Variants in RADIL observed in about 807,000 individuals in gnomAD.
RADIL encodes the protein Rap associating with DIL domain.
Under a neutral mutation model 97.6 loss-of-function variants are expected in RADIL, and 99 were observed. The ratio of observed to expected loss-of-function variants is 1.01; its 90% CI spans 0.86 to 1.20. RADIL has a LOEUF of 1.20. RADIL is among the 50% of genes most tolerant of loss of function. The pLI is 0.00. For missense variants in RADIL, 1,765 were observed against 1,498.9 expected (o/e 1.18, Z -2.93); for synonymous variants, 803 against 691.8 (o/e 1.16, Z -2.52).
At chr7:4,859,404 T>C (rs948696835) in intron 2 of RADIL, 5 of 156,036 alleles carry the variant, frequency 3.2e-5, no homozygotes, top group African/African-American at 1.2e-4. Flanking sequence ...CAAACATAGC[T>C]GAAAGGTTTT....
Position 4,798,900 on chromosome 7 carries a change from G to GGGAGGGGCTGTT in RADIL, c.*466_*477dup, listed in dbSNP as rs2115146758. The GGGAGGGGCTGTT allele has an allele frequency of 5.9e-6, 1 of 169,624 alleles. No individual in the cohort carries two copies. The highest frequency in any genetic ancestry group is 1.7e-4 in the East Asian group (1 of 5,898). The allele number at this position is 169,624 out of a possible 1,614,324, so 10.5% of individuals were successfully genotyped here. On this transcript the variant is annotated 3_prime_UTR_variant, in exon 15 of 15. Coordinates refer to ENST00000399583, the MANE Select transcript of RADIL (RefSeq NM_018059.5). Reference sequence around the variant, plus strand: ...TGCCAGGTCTGGCCCTGCTTCAGCTGGGAGGGGCTGTTGGAGCTGCTTCCT... The same window carrying GGGAGGGGCTGTT: ...TGCCAGGTCTGGCCCTGCTTCAGCTGGGAGGGGCTGTTGGAGGGGCTGTTGGAGCTGCTTCCT...
intron 2 of RADIL, among the ~76,000 whole-genome samples, chr7:4,870,917 G>T (rs931459161): frequency 6.6e-6 from 1 of 152,178 alleles, no homozygotes; most frequent in East Asian, 1.9e-4. Context: ...GGACAACAGG[G>T]CTGTCAACGG....
chr7:4,854,011 T>C lies in RADIL; in HGVS notation c.536-17406A>G, dbSNP rs1783770271. ...GTGAAAGATGAGGGGATGCCGCTGT[T>C]GGGACTTCTCCGAAAGCTCCATAGG... On this transcript the variant is annotated intron_variant, in intron 2 of 14. Transcript: ENST00000399583. This position sits in a 1 kb window ranked among gnomAD's most constrained non-coding sequence, Gnocchi z 5.1. Among the ~76,000 whole-genome samples, 2 of 152,198 alleles carry C rather than the reference T, an allele frequency of 1.3e-5. 1 individual carries two copies. Among genetic ancestry groups the C allele is most frequent in the South Asian group, 4.1e-4 (2 of 4,832 alleles).
intron 2 of RADIL, among the ~76,000 whole-genome samples, chr7:4,870,359 T>C (rs1784224471): frequency 6.6e-6 from 1 of 152,240 alleles, no homozygotes; most frequent in South Asian, 2.1e-4. Context: ...TCAGTATGAT[T>C]TAAACAGATC....
chr7:4,805,403 G>GC (rs1268460503), intron 10 of RADIL, 163 bp downstream of exon 10: 5 of 756,400 alleles, frequency 6.6e-6, no homozygotes, highest in South Asian at 8.9e-5. Context: ...TGGGGATGGG[G>GC]CGGGGCGGGG....
chr7:4,800,356 T>C, intron 12 of RADIL, 46 bp from the exon 13 acceptor site: 2 of 1,413,132 alleles, frequency 1.4e-6, no homozygotes, highest in Non-Finnish European at 1.8e-6. Context: ...GCGCCAGGAA[T>C]CACGACGAGG....
In RADIL at chr7:4,815,402, G is replaced by C; in HGVS notation, c.2015C>G (p.Ala672Gly). The stretch of plus-strand genomic sequence containing the variant: ...CCACTCCAGGAGCTGCTGCAGGCGG[G>C]CGCAGGCCTGGACACCTCTGGGCCA... Reference protein sequence around the residue: ...FHWPRGVQACARLQQLLEWMR... With the variant: ...FHWPRGVQACGRLQQLLEWMR... Residue 672 changes from alanine to glycine, a missense_variant, in exon 9 of 15, where the codon GCC becomes GGC. Physicochemically the swap from Ala to Gly is moderately conservative, Grantham distance 60. Coordinates refer to ENST00000399583, the MANE Select transcript of RADIL (RefSeq NM_018059.5). This position sits in a 1 kb window ranked among gnomAD's most constrained non-coding sequence, Gnocchi z 8.0. 3 of 1,563,464 alleles carry C rather than the reference G, an allele frequency of 1.9e-6. No homozygotes were observed. The highest frequency in any genetic ancestry group is 2.6e-6 in the Non-Finnish European group (3 of 1,153,800).
In RADIL at chr7:4,883,318, G is replaced by A. The variant is rs1302760972; in HGVS notation, c.-65+278C>T. Among the ~76,000 whole-genome samples, 2 of 152,068 alleles carry A rather than the reference G, an allele frequency of 1.3e-5. No homozygotes were observed. Among genetic ancestry groups the A allele is most frequent in the Admixed American group, 6.5e-5 (1 of 15,286 alleles). On this transcript the variant is annotated intron_variant, in intron 1 of 14. Coordinates refer to ENST00000399583, the MANE Select transcript of RADIL (RefSeq NM_018059.5). The surrounding 1 kb of genome is among the most constrained non-coding windows in gnomAD (Gnocchi z 7.1). ...CAGCCAGGCTCAGGAGCTCTCGGGG[G>A]TCGGCAGCGCGGACCCCCGGATCCC...
intron 2 of RADIL, chr7:4,859,521 A>C (rs1438003848): frequency 1.0e-5 from 2 of 199,286 alleles, no homozygotes; most frequent in Non-Finnish European, 2.1e-5. Context: ...TCTGATCAAG[A>C]CTGGCTCAGT....
chr7:4,817,134 C>T lies in RADIL; in HGVS notation c.1728+105G>A. On this transcript the variant is annotated intron_variant, in intron 7 of 14. Coordinates refer to ENST00000399583, the MANE Select transcript of RADIL (RefSeq NM_018059.5). The surrounding 1 kb of genome is among the most constrained non-coding windows in gnomAD (Gnocchi z 8.3). ...GAAGTGGAGCTTGTCACGGTCCCCT[C>T]CCTCAGCCCCCCAGAAGGCTCCTTA... is the stretch of plus-strand genomic sequence containing the variant. 2.1e-6 allele frequency: 2 copies of T among 973,338 alleles called. No individual in the cohort carries two copies. The highest frequency in any genetic ancestry group is 3.1e-6 in the Non-Finnish European group (2 of 645,158). The allele number at this position is 973,338 out of a possible 1,614,324, so 60.3% of individuals were successfully genotyped here.
chr7:4,844,043 C>T (rs1251406927), intron 2 of RADIL, among the ~76,000 whole-genome samples: 1 of 152,032 alleles, frequency 6.6e-6, no homozygotes, highest in Admixed American at 6.6e-5. Context: ...CTTCCTCTTG[C>T]CATCAGGAAC....
At chr7:4,881,394 G>A (rs10231328) in intron 1 of RADIL, among the ~76,000 whole-genome samples, 11,574 of 116,364 alleles carry the variant, frequency 0.099, 784 homozygotes, top group African/African-American at 0.22. Flanking sequence ...CAGCCTGGGC[G>A]ACAGAGTGAG....
In RADIL at chr7:4,801,501, C is replaced by T. The variant is rs10243525; in HGVS notation, c.2842+152G>A. 2.5e-5 allele frequency: 21 copies of T among 844,774 alleles called. No individual in the cohort carries two copies. The African/African-American group carries it at 3.5e-4, about 14-fold the overall frequency. 52.3% of individuals were successfully genotyped at this position (844,774 alleles called of 1,614,324 possible). On this transcript the variant is annotated intron_variant, in intron 12 of 14. Coordinates refer to ENST00000399583, the MANE Select transcript of RADIL (RefSeq NM_018059.5). ...GCTGGGGGCTGAGCAGCCCTGAGCC[C>T]TCTCCATCTGGCCCCGTCTCAGGTT...
intron 9 of RADIL, among the ~76,000 whole-genome samples, chr7:4,811,541 G>A (rs1782548434): frequency 1.6e-5 from 2 of 127,776 alleles, no homozygotes; most frequent in African/African-American, 5.9e-5. Context: ...AGGCTGGAGT[G>A]CAGTGGCGCA....
chr7:4,860,913 C>T (rs774929576), intron 2 of RADIL: 1 of 1,614,200 alleles, frequency 6.2e-7, no homozygotes, highest in East Asian at 2.2e-5. Context: ...GGGTCCCATA[C>T]AGGCAAATTA....
In RADIL at chr7:4,862,408, G is replaced by C. The variant is rs577358086; in HGVS notation, c.535+15197C>G. Among the ~76,000 whole-genome samples, 282 of 152,312 alleles carry C rather than the reference G, an allele frequency of 1.9e-3. 11 individuals are homozygous for C. The South Asian group carries it at 0.054, about 29-fold the overall frequency. The stretch of plus-strand genomic sequence containing the variant: ...CCGTTGCTGGACATTGGTTTAGCTG[G>C]GGCAGCATTTCGAGGTCGACATTTG... On this transcript the variant is annotated intron_variant, in intron 2 of 14. Coordinates refer to ENST00000399583, the MANE Select transcript of RADIL (RefSeq NM_018059.5).
rs1781985698 is a variant in RADIL, at chr7:4,798,815, G to A, written c.*563C>T. ...GGCCGGTCCACTTTCCAACGCCTGG[G>A]TGTCTAGACCTTTCTCTGGGGCCTG... On this transcript the variant is annotated 3_prime_UTR_variant, in exon 15 of 15. Transcript: ENST00000399583. 6.5e-6 allele frequency: 1 copy of A among 153,736 alleles called. No homozygotes were observed. The highest frequency in any genetic ancestry group is 1.9e-4 in the East Asian group (1 of 5,210). The allele number at this position is 153,736 out of a possible 1,614,324, so 9.5% of individuals were successfully genotyped here. A position where few individuals can be genotyped will look rare whatever the true frequency, so the allele number is the denominator to read the frequency against.
rs774082427 is a variant in RADIL, at chr7:4,816,469, G to A, written c.1729-4C>T. The A allele has an allele frequency of 6.9e-6, 11 of 1,601,556 alleles. No homozygotes were observed. In the South Asian group the frequency reaches 1.2e-4, roughly 18 times the overall value. The stretch of plus-strand genomic sequence containing the variant: ...CCGGGAGGCAGATGTACAGGGACTG[G>A]CGGGGGCAAGAGGAGAACAGCAACC... On this transcript the variant is annotated splice_region_variant and splice_polypyrimidine_tract_variant and intron_variant, in intron 7 of 14. Transcript: ENST00000399583.
intron 5 of RADIL, among the ~76,000 whole-genome samples, chr7:4,828,613 A>G (rs916016718): frequency 1.3e-5 from 2 of 152,272 alleles, no homozygotes; most frequent in Non-Finnish European, 2.9e-5. Flanking sequence ...CAGGGCAAAC[A>G]AAATGTTAGT....
Sources: gnomAD v4.1 joint callset for allele counts (sites outside exome capture counted in the v4.1 genomes callset) on GRCh38, gnomAD v4.1.1 for gene constraint, Gnocchi (gnomAD v3.1) non-coding constraint, MANE v1.5 for transcripts, NCBI Gene and HGNC (gene_info 2026-07-23, HGNC 2026-07-21) for gene names.